Variants in TTC19 observed in about 807,000 individuals in gnomAD.
TTC19 encodes tetratricopeptide repeat protein 19, mitochondrial.
In TTC19, 38 loss-of-function variants were observed where a neutral mutation model predicts 49.5. The observed-to-expected ratio is 0.77, with a 90% CI of 0.59 to 1.01. The LOEUF (loss-of-function observed/expected upper bound fraction) is 1.01. Ranked by LOEUF, TTC19 falls within the 50% of genes least tolerant of loss-of-function variation. The probability of loss-of-function intolerance (pLI) is 0.00; values close to 1 mark genes in which losing one functional copy is unlikely to be tolerated. For synonymous variants in TTC19, 204 were observed against 185.2 expected (o/e 1.10, Z -0.83); for missense variants, 475 against 477.7 (o/e 0.99, Z 0.05).
intron 7 of TTC19, among the ~76,000 whole-genome samples, chr17:16,010,551 T>C (rs1245078275): frequency 2.0e-5 from 3 of 151,590 alleles, no homozygotes; most frequent in Non-Finnish European, 4.4e-5. Context: ...CTCGGCTCAC[T>C]GCAACCTCTG....
downstream of TTC19, chr17:16,030,078 C>T (rs540674632): frequency 7.3e-5 from 13 of 177,616 alleles, no homozygotes; most frequent in South Asian, 2.0e-4. Flanking sequence ...AGAAGTCTTA[C>T]GGATAACATA....
intron 6 of TTC19, among the ~76,000 whole-genome samples, 182 bp downstream of exon 6, chr17:16,004,444 C>T (rs2151649120): frequency 6.6e-6 from 1 of 152,336 alleles, no homozygotes; most frequent in South Asian, 2.1e-4. Context: ...CTGTTTCCAT[C>T]AGCCTGCCTA....
rs1331160048 is a variant in TTC19, at chr17:16,010,281, C to T, written c.676+3713C>T. On this transcript the variant is annotated intron_variant, in intron 7 of 9. Coordinates refer to ENST00000261647, the MANE Select transcript of TTC19 (RefSeq NM_017775.4). ...CTCCGCCTCCCGGGTTTAAGCGGTT[C>T]TCCTGCCTCAGCCTCCCGAGTAGCC... Among the ~76,000 whole-genome samples, 12 of 145,038 alleles carry T rather than the reference C, an allele frequency of 8.3e-5. No individual in the cohort carries two copies. The East Asian group carries it at 2.1e-3, about 25-fold the overall frequency.
chr17:16,022,769 T>C (rs898990318), intron 7 of TTC19, among the ~76,000 whole-genome samples: 1 of 152,224 alleles, frequency 6.6e-6, no homozygotes, highest in Non-Finnish European at 1.5e-5. Context: ...TTTGGTAATA[T>C]TTTGAGTAAA....
intron 2 of TTC19, chr17:16,039,406 A>G (rs938772526): frequency 1.2e-6 from 2 of 1,602,192 alleles, no homozygotes; most frequent in Admixed American, 3.4e-5. Flanking sequence ...GAAAAGCAGC[A>G]GAAAAGCACT....
Position 16,000,147 on chromosome 17 carries a change from G to A in TTC19, c.214G>A (p.Ala72Thr). The change falls in exon 2 of 10, where the codon GCA becomes ACA. Residue 72 changes from alanine to threonine, a missense_variant. Physicochemically the swap from Ala to Thr is moderately conservative, Grantham distance 58. Transcript: ENST00000261647. ...ALAWFSRPAA[A>T]EEEEQQGADG... Reference sequence around the variant, plus strand: ...CGCCTGGTTCTCGAGGCCCGCTGCGGCAGAGGAGGAGGAGCAGCAGGGAGC... The same window carrying A: ...CGCCTGGTTCTCGAGGCCCGCTGCGACAGAGGAGGAGGAGCAGCAGGGAGC... 6.3e-7 allele frequency: 1 copy of A among 1,583,034 alleles called. No individual in the cohort carries two copies. The highest frequency in any genetic ancestry group is 8.5e-7 in the Non-Finnish European group (1 of 1,173,192).
At chr17:16,003,792 G>T (rs761281911) in intron 4 of TTC19, 39 bp from the exon 5 acceptor site, 13 of 1,557,632 alleles carry the variant, frequency 8.3e-6, no homozygotes, top group Middle Eastern at 1.7e-4. Context: ...TATAAAATGG[G>T]GCCCAATTAA....
intron 2 of TTC19, among the ~76,000 whole-genome samples, chr17:16,037,237 T>TA (rs2056584258): frequency 6.6e-6 from 1 of 152,144 alleles, no homozygotes; most frequent in Non-Finnish European, 1.5e-5. Context: ...CCCAAACAAT[T>TA]ACAATAGTAA....
In TTC19 at chr17:16,034,640, TA is replaced by T. The variant is rs1973740433; in HGVS notation, c.247+7940del. On this transcript the variant is annotated intron_variant, in intron 2 of 2. Transcript: ENST00000470649. Reference sequence around the variant, plus strand: ...TTCTATTCGGGAAAGTGGAACATATTAATGATACAGAAATGGGAATATAGGT... The same window carrying T: ...TTCTATTCGGGAAAGTGGAACATATTATGATACAGAAATGGGAATATAGGT... The T allele has an allele frequency of 3.5e-6, 3 of 868,134 alleles. No individual in the cohort carries two copies. In the African/African-American group the frequency reaches 5.0e-5, roughly 15 times the overall value. The allele number at this position is 868,134 out of a possible 1,614,324, so 53.8% of individuals were successfully genotyped here.
At chr17:16,040,902 C>T in intron 2 of TTC19, 1 of 182,260 alleles carries the variant, frequency 5.5e-6, no homozygotes. Flanking sequence ...AAAAAAGAAG[C>T]AGTGTAACCC....
intron 8 of TTC19, 93 bp from the exon 9 acceptor site, chr17:16,026,447 A>G: frequency 8.5e-7 from 1 of 1,177,976 alleles, no homozygotes; most frequent in Non-Finnish European, 1.2e-6. Flanking sequence ...AGGAAAGATG[A>G]AATCTTATGT....
chr17:16,030,764 G>A (rs1182041058), downstream of TTC19: 1 of 180,126 alleles, frequency 5.6e-6, no homozygotes, highest in Non-Finnish European at 1.2e-5. Flanking sequence ...TATGGGCAAA[G>A]TACTAAACCT....
rs569324878 is a variant in TTC19 at position 16,009,532 on chromosome 17, G to C, written c.676+2964G>C. Among the ~76,000 whole-genome samples, 6 of 152,168 alleles carry C rather than the reference G, an allele frequency of 3.9e-5. No individual in the cohort carries two copies. The East Asian group carries it at 1.2e-3, about 29-fold the overall frequency. On this transcript the variant is annotated intron_variant, in intron 7 of 9. Coordinates refer to ENST00000261647, the MANE Select transcript of TTC19 (RefSeq NM_017775.4). ...TTTCCAGGCAAAGGAATTCTTGTTA[G>C]ATAGAGCAAGCTAATTTCTATTATA...
At chr17:16,031,843 G>A (rs1165376932), downstream of TTC19, 1 of 232,962 alleles carries the variant, frequency 4.3e-6, no homozygotes, top group Non-Finnish European at 8.5e-6. Context: ...TAGAAGGCTA[G>A]GGTTAAAAAG....
intron 2 of TTC19, among the ~76,000 whole-genome samples, chr17:16,043,489 G>A (rs1174255038): frequency 1.3e-5 from 2 of 152,204 alleles, no homozygotes; most frequent in African/African-American, 4.8e-5. Flanking sequence ...TTAGGTACTT[G>A]TTTCATCATA....
chr17:16,033,513 A>C (rs1972944721), downstream of TTC19, among the ~76,000 whole-genome samples: 1 of 152,164 alleles, frequency 6.6e-6, no homozygotes, highest in Non-Finnish European at 1.5e-5. Context: ...GAGTTTTATA[A>C]TGCAAAAGCC....
chr17:16,024,151 C>T (rs1489339102), intron 7 of TTC19: 1 of 152,154 alleles, frequency 6.6e-6, no homozygotes, highest in Non-Finnish European at 1.5e-5. Context: ...ATTCTTCTTA[C>T]ATGGCATTAG....
intron 2 of TTC19, 41 bp from the exon 3 acceptor site, chr17:16,001,874 C>G (rs752353370): frequency 5.0e-6 from 7 of 1,392,970 alleles, no homozygotes; most frequent in Admixed American, 1.7e-5. Context: ...TATGCATCTA[C>G]TATATGTTTC....
chr17:16,009,768 A>G (rs534201277), intron 7 of TTC19, among the ~76,000 whole-genome samples: 1 of 152,304 alleles, frequency 6.6e-6, no homozygotes, highest in East Asian at 1.9e-4. Flanking sequence ...TAATTACATA[A>G]AACCTTGCTC....
Sources: allele counts gnomAD v4.1 joint callset (sites outside exome capture counted in the v4.1 genomes callset), GRCh38; gene constraint gnomAD v4.1.1; transcripts MANE v1.5; gene names NCBI Gene and HGNC (gene_info 2026-07-23, HGNC 2026-07-21).